Variants in TANC1 observed in about 807,000 individuals in gnomAD.
TANC1 encodes the protein protein TANC1.
A neutral mutation model predicts 149.7 loss-of-function variants in TANC1; 77 were observed. The observed-to-expected ratio is 0.51, with a 90% CI of 0.43 to 0.62. TANC1 has a LOEUF of 0.62. Among genes scored for constraint, TANC1 ranks in the 20% least tolerant of loss-of-function variants. The probability of loss-of-function intolerance (pLI) is 0.00; values close to 1 mark genes in which losing one functional copy is unlikely to be tolerated. For synonymous variants in TANC1, 854 were observed against 925.0 expected (o/e 0.92, Z 1.39); for missense variants, 1,985 against 2,321.8 (o/e 0.85, Z 2.98).
intron 3 of TANC1, among the ~76,000 whole-genome samples, chr2:159,082,238 C>T (rs1322874099): frequency 6.6e-6 from 1 of 152,196 alleles, no homozygotes; most frequent in Admixed American, 6.5e-5. Context: ...GAGAGAGGGC[C>T]ACACCCCTGC....
In TANC1 at chr2:159,163,275, C is replaced by A; in HGVS notation, c.683-8C>A. The stretch of plus-strand genomic sequence containing the variant: ...CCTCCTTCAAAGTATTTTGGTCTTT[C>A]ATTTCAGCCACAATTACAAGTTCAT... On this transcript the variant is annotated splice_region_variant and splice_polypyrimidine_tract_variant and intron_variant, in intron 7 of 26. Coordinates refer to ENST00000263635, the MANE Select transcript of TANC1 (RefSeq NM_033394.3). 1 of 1,610,758 alleles carries A rather than the reference C, an allele frequency of 6.2e-7. No homozygotes were observed. The highest frequency in any genetic ancestry group is 8.5e-7 in the Non-Finnish European group (1 of 1,177,740).
At chr2:159,105,067 T>G (rs2047040570) in intron 4 of TANC1, among the ~76,000 whole-genome samples, 1 of 117,228 alleles carries the variant, frequency 8.5e-6, no homozygotes, top group Non-Finnish European at 1.7e-5. Context: ...TGATCTGGGC[T>G]CACTGCAAGC....
At chr2:159,196,523 G>A in intron 17 of TANC1, 85 bp from the exon 18 acceptor site, 1 of 1,177,276 alleles carries the variant, frequency 8.5e-7, no homozygotes, top group South Asian at 1.6e-5. Context: ...CAGGGAGTGG[G>A]GTTTGCACAC....
chr2:159,170,373 G>A, intron 9 of TANC1, 151 bp from the exon 10 acceptor site: 1 of 686,838 alleles, frequency 1.5e-6, no homozygotes, highest in Non-Finnish European at 2.4e-6. Flanking sequence ...TATTACAGAA[G>A]TATTAATAGA....
At chr2:159,071,293 C>G (rs1285012913) in intron 3 of TANC1, among the ~76,000 whole-genome samples, 6 of 152,018 alleles carry the variant, frequency 3.9e-5, no homozygotes, top group Admixed American at 3.9e-4. Context: ...CTTAATGTGC[C>G]AAAATAAAAA....
intron 5 of TANC1, 191 bp from the exon 6 acceptor site, chr2:159,148,951 G>GT: frequency 5.3e-6 from 3 of 564,514 alleles, no homozygotes; most frequent in Non-Finnish European, 8.9e-6. Context: ...TTGTTTTACT[G>GT]TTTCCTTAAC....
chr2:159,022,652 C>T (rs938794105), intron 2 of TANC1, among the ~76,000 whole-genome samples: 5 of 152,124 alleles, frequency 3.3e-5, no homozygotes, highest in African/African-American at 4.8e-5. Flanking sequence ...GCAGGAGAAT[C>T]GCTTGAACCC....
chr2:159,150,656 T>C, intron 7 of TANC1, 100 bp downstream of exon 7: 1 of 905,220 alleles, frequency 1.1e-6, no homozygotes, highest in Non-Finnish European at 1.7e-6. Context: ...TCTGTGAAGG[T>C]CAGTCTGCCA....
At chr2:159,129,252 C>G (rs1463308377) in intron 4 of TANC1, among the ~76,000 whole-genome samples, 1 of 152,208 alleles carries the variant, frequency 6.6e-6, no homozygotes, top group African/African-American at 2.4e-5. Context: ...CTGCCCTTCT[C>G]CCTTTCACTG....
chr2:158,972,706 A>G (rs2033076684), intron 1 of TANC1, among the ~76,000 whole-genome samples: 1 of 152,192 alleles, frequency 6.6e-6, no homozygotes, highest in African/African-American at 2.4e-5. Flanking sequence ...ATGGGGTTTA[A>G]ACCTCAATAA....
chr2:159,138,084 A>G (rs966818451), intron 5 of TANC1, among the ~76,000 whole-genome samples: 2 of 152,214 alleles, frequency 1.3e-5, no homozygotes, highest in Admixed American at 6.5e-5. Flanking sequence ...AAATGCAGCA[A>G]TTGGTCTTGC....
chr2:159,086,005 T>C (rs1248361538), intron 3 of TANC1, among the ~76,000 whole-genome samples: 1 of 152,188 alleles, frequency 6.6e-6, no homozygotes, highest in Non-Finnish European at 1.5e-5. Context: ...GTAATTGGGA[T>C]GGAGAATGGC....
chr2:159,037,782 G>T (rs1439940857), intron 2 of TANC1, among the ~76,000 whole-genome samples: 1 of 152,192 alleles, frequency 6.6e-6, no homozygotes, highest in Non-Finnish European at 1.5e-5. Context: ...TTGAAGTCGG[G>T]TAGCATGATT....
intron 4 of TANC1, among the ~76,000 whole-genome samples, chr2:159,124,438 G>C (rs2049181098): frequency 2.0e-5 from 3 of 152,188 alleles, no homozygotes; most frequent in Admixed American, 6.5e-5. Context: ...CGCAGGTGAT[G>C]CTGTTGCTGT....
chr2:159,190,793 C>T (rs181566205), intron 16 of TANC1, among the ~76,000 whole-genome samples: 2,340 of 152,282 alleles, frequency 0.015, 54 homozygotes, highest in African/African-American at 0.044. Context: ...CTCAGGTGAT[C>T]CACCCACCTC....
At chr2:159,198,080 A>G (rs2057995091) in intron 18 of TANC1, among the ~76,000 whole-genome samples, 1 of 152,058 alleles carries the variant, frequency 6.6e-6, no homozygotes, top group Non-Finnish European at 1.5e-5. Context: ...CCATCTCCAA[A>G]GTGCCTTACT....
At chr2:159,213,070 A>G (rs1022615341) in intron 19 of TANC1, among the ~76,000 whole-genome samples, 2 of 152,208 alleles carry the variant, frequency 1.3e-5, no homozygotes, top group African/African-American at 4.8e-5. Context: ...TGATGTAGTC[A>G]TCCTTCTCTT....
At chr2:159,035,709 A>C (rs1017074461) in intron 2 of TANC1, among the ~76,000 whole-genome samples, 1 of 152,238 alleles carries the variant, frequency 6.6e-6, no homozygotes, top group African/African-American at 2.4e-5. Context: ...TCATCACCAC[A>C]AAAACAGGCT....
chr2:159,129,165 T>C (rs1304710417), intron 4 of TANC1, among the ~76,000 whole-genome samples: 2 of 152,204 alleles, frequency 1.3e-5, no homozygotes, highest in Non-Finnish European at 2.9e-5. Context: ...GCCTCAGGTG[T>C]TCTGTGTCCC....
Sources: allele counts gnomAD v4.1 joint callset (sites outside exome capture counted in the v4.1 genomes callset), GRCh38; gene constraint gnomAD v4.1.1; transcripts MANE v1.5; gene names NCBI Gene and HGNC (gene_info 2026-07-23, HGNC 2026-07-21).